MAN2B2: variants seen among roughly 807,000 people sequenced by gnomAD.
MAN2B2 encodes the protein mannosidase alpha class 2B member 2, also known as epididymis-specific alpha-mannosidase.
MAN2B2 carries 106 observed loss-of-function variants against 117.1 expected under a neutral mutation model. The observed-to-expected ratio is 0.90, with a 90% CI of 0.77 to 1.06. The LOEUF (loss-of-function observed/expected upper bound fraction) is 1.06, where lower values mean the gene tolerates loss of function less well. Among genes scored for constraint, MAN2B2 ranks in the 50% least tolerant of loss-of-function variants. MAN2B2 has a pLI of 0.00. For missense variants in MAN2B2, 1,326 were observed against 1,381.4 expected, an observed-to-expected ratio of 0.96 and a Z score of 0.64; for synonymous variants, 544 against 595.1, an observed-to-expected ratio of 0.91 and a Z score of 1.25.
chr4:6,621,056 T>G, intron 18 of MAN2B2, 132 bp from the exon 19 acceptor site: 1 of 635,592 alleles, frequency 1.6e-6, no homozygotes, highest in South Asian at 2.0e-5. Context: ...CCACAGCAGA[T>G]TGTAGACAGG....
Position 6,609,911 on chromosome 4 carries a change from G to GC in MAN2B2, c.2125dup (p.Leu709ProfsTer6). On this transcript the variant is annotated frameshift_variant, in exon 13 of 19. Coordinates refer to ENST00000285599, the MANE Select transcript of MAN2B2 (RefSeq NM_015274.3). LOFTEE classifies it high-confidence loss of function. ...CGGATAGAGCAGGAGTACCAAGCCG[G>GC]CCCCCTGGAGCTGAACCGTGAGGCT... 1 of 1,614,124 alleles carries GC rather than the reference G, an allele frequency of 6.2e-7. No individual in the cohort carries two copies. Among genetic ancestry groups the GC allele is most frequent in the Admixed American group, 1.7e-5 (1 of 60,028 alleles).
intron 3 of MAN2B2, among the ~76,000 whole-genome samples, chr4:6,581,771 T>C (rs555891451): frequency 1.3e-3 from 195 of 151,404 alleles, no homozygotes; most frequent in South Asian, 2.3e-3. Context: ...GACCCACTCC[T>C]GGCTGCCCGC....
chr4:6,586,224 T>A (rs999087320), intron 3 of MAN2B2, among the ~76,000 whole-genome samples: 2 of 152,004 alleles, frequency 1.3e-5, no homozygotes, highest in Non-Finnish European at 2.9e-5. Flanking sequence ...GCTAATTTTT[T>A]AAATTTTGTG....
At chr4:6,595,192 G>GAACTGGGTTGGCTCT (rs1166165445) in intron 7 of MAN2B2, among the ~76,000 whole-genome samples, 2 of 152,250 alleles carry the variant, frequency 1.3e-5, no homozygotes, top group Non-Finnish European at 2.9e-5. Flanking sequence ...TTGGCCACCA[G>GAACTGGGTTGGCTCT]CAGCACAGCC....
At chr4:6,612,410 G>A (rs1417824770) in intron 15 of MAN2B2, among the ~76,000 whole-genome samples, 2 of 152,198 alleles carry the variant, frequency 1.3e-5, no homozygotes, top group Non-Finnish European at 2.9e-5. Flanking sequence ...TCAGGTCCAG[G>A]GGGTGTCAAT....
rs763263704 is a variant in MAN2B2, at chr4:6,609,080, G to T, written c.1815-27G>T. 6 of 1,598,132 alleles carry T rather than the reference G, an allele frequency of 3.8e-6. No homozygotes were observed. In the Admixed American group the frequency reaches 1.0e-4, roughly 27 times the overall value. On this transcript the variant is annotated intron_variant, in intron 11 of 18. Transcript: ENST00000285599. Reference sequence around the variant, plus strand: ...GTAAGACCTTGTGCAGGATGAGAATGACATCTTCTCTCTCCTGCCTCTGCA... The same window carrying T: ...GTAAGACCTTGTGCAGGATGAGAATTACATCTTCTCTCTCCTGCCTCTGCA...
At position 6,611,296 on chromosome 4, in the gene MAN2B2, C is replaced by T. The variant is rs79709383; in HGVS notation, c.2563+18C>T. On this transcript the variant is annotated intron_variant, in intron 15 of 18. Transcript: ENST00000285599. The stretch of plus-strand genomic sequence containing the variant: ...CCTCGCTGGTAAAGGGGCACCCTTT[C>T]AGAGTAACATCATCACTGCCTCAGC... The T allele has an allele frequency of 1.3e-6, 2 of 1,580,320 alleles. No individual in the cohort carries two copies. Among genetic ancestry groups the T allele is most frequent in the Admixed American group, 1.8e-5 (1 of 56,856 alleles).
Position 6,621,401 on chromosome 4 carries a change from C to G in MAN2B2, c.*116C>G, listed in dbSNP as rs1338371825. On this transcript the variant is annotated 3_prime_UTR_variant, in exon 19 of 19. Transcript: ENST00000285599. ...TGGGACTGGGGAGTCAGCTGCTCATCTGCAGGCTAATGGCAGGAAATGGTC... is the reference window on the plus strand; with the variant it reads ...TGGGACTGGGGAGTCAGCTGCTCATGTGCAGGCTAATGGCAGGAAATGGTC... 10 of 747,260 alleles carry G rather than the reference C, an allele frequency of 1.3e-5. No individual in the cohort carries two copies. In the East Asian group the frequency reaches 3.0e-4, roughly 22 times the overall value. The allele number at this position is 747,260 out of a possible 1,614,324, so 46.3% of individuals were successfully genotyped here.
chr4:6,579,036 C>CCACCACCACCACCATCACCACCACCAT (rs1726192581), intron 3 of MAN2B2, among the ~76,000 whole-genome samples: 1 of 94,670 alleles, frequency 1.1e-5, no homozygotes, highest in Non-Finnish European at 2.0e-5. Flanking sequence ...ATCACCACTA[C>CCACCACCACCACCATCACCACCACCAT]CACCATCACC....
intron 3 of MAN2B2, among the ~76,000 whole-genome samples, chr4:6,586,531 T>TA (rs1470778481): frequency 6.6e-6 from 1 of 152,128 alleles, no homozygotes; most frequent in Admixed American, 6.5e-5. Context: ...TTAAGGACAT[T>TA]ACGCAGAGTG....
chr4:6,579,576 C>T (rs1366211839), intron 3 of MAN2B2, among the ~76,000 whole-genome samples: 2 of 150,598 alleles, frequency 1.3e-5, no homozygotes, highest in Admixed American at 6.6e-5. Flanking sequence ...CTACCACTAC[C>T]ATCACCACCA....
At position 6,594,682 on chromosome 4, in the gene MAN2B2, A is replaced by G. The variant is rs1016282113; in HGVS notation, c.1007A>G (p.Asn336Ser). The G allele has an allele frequency of 1.4e-5, 23 of 1,612,838 alleles. No homozygotes were observed. The highest frequency in any genetic ancestry group is 4.0e-5 in the African/African-American group (3 of 74,856). Residue 336 changes from asparagine (N) to serine (S), a missense_variant, in exon 7 of 19, where the codon AAT (asparagine) becomes AGT (serine). Asn to Ser is a conservative substitution (Grantham distance 46). Coordinates refer to ENST00000285599, the MANE Select transcript of MAN2B2 (RefSeq NM_015274.3). ...TACTTCCGTGCCCTGCACGCTCTCAATGTCACCTGGCGTGTCCGCGACCAC... is the reference window on the plus strand; with the variant it reads ...TACTTCCGTGCCCTGCACGCTCTCAGTGTCACCTGGCGTGTCCGCGACCAC... The part of the protein sequence containing the change: ...GDYFRALHAL[N>S]VTWRVRDHHD...
chr4:6,576,551 G>T (rs182266362), intron 1 of MAN2B2, 27 bp from the exon 2 acceptor site: 1 of 1,602,056 alleles, frequency 6.2e-7, no homozygotes, highest in East Asian at 2.2e-5. Context: ...TTGGACCGGG[G>T]CTGGCATGAT....
chr4:6,594,099 T>G (rs1017951821), intron 6 of MAN2B2, among the ~76,000 whole-genome samples: 1 of 152,048 alleles, frequency 6.6e-6, no homozygotes, highest in Non-Finnish European at 1.5e-5. Flanking sequence ...TAATAATTAA[T>G]AATCATTAAT....
At chr4:6,579,330 A>AT (rs1393669986) in intron 3 of MAN2B2, among the ~76,000 whole-genome samples, 1 of 130,072 alleles carries the variant, frequency 7.7e-6, no homozygotes, top group African/African-American at 2.9e-5. Flanking sequence ...CACCACCACC[A>AT]CCACCACCAC....
Position 6,594,709 on chromosome 4 carries a change from A to G in MAN2B2, c.1034A>G (p.His345Arg), listed in dbSNP as rs1208529235. 6.2e-7 allele frequency: 1 copy of G among 1,611,738 alleles called. No individual in the cohort carries two copies. Residue 345 changes from histidine to arginine, a missense_variant, in exon 7 of 19, where the codon CAC (histidine) becomes CGC (arginine). Coordinates refer to ENST00000285599, the MANE Select transcript of MAN2B2 (RefSeq NM_015274.3). The stretch of plus-strand genomic sequence containing the variant: ...GTCACCTGGCGTGTCCGCGACCACC[A>G]CGACTTCCTGCCCTATTCCACAGGT... Reference protein sequence around the residue: ...LNVTWRVRDHHDFLPYSTEPF... With the variant: ...LNVTWRVRDHRDFLPYSTEPF...
At chr4:6,602,670 CTTTTT>C (rs71646652) in intron 10 of MAN2B2, among the ~76,000 whole-genome samples, 3 of 138,402 alleles carry the variant, frequency 2.2e-5, no homozygotes, top group African/African-American at 8.0e-5. Context: ...GTCAGTTTTC[CTTTTT>C]TTTTTTTTTT....
chr4:6,598,820 G>A lies in MAN2B2; in HGVS notation c.1405+466G>A, dbSNP rs549156250. 9.9e-5 allele frequency among the ~76,000 whole-genome samples: 15 copies of A among 152,284 alleles called. No homozygotes were observed. In the South Asian group the frequency reaches 2.7e-3, roughly 27 times the overall value. On this transcript the variant is annotated intron_variant, in intron 9 of 18. Coordinates refer to ENST00000285599, the MANE Select transcript of MAN2B2 (RefSeq NM_015274.3). ...CAGAGAGTACGCCGGTGTCCTCAGG[G>A]GCCCGGTCCCTTCCTGGCTCCTGGC...
At chr4:6,597,081 T>C in intron 7 of MAN2B2, 32 bp from the exon 8 acceptor site, 1 of 1,601,194 alleles carries the variant, frequency 6.2e-7, no homozygotes, top group East Asian at 2.2e-5. Flanking sequence ...GGTCATGCCG[T>C]CTCAAGCTCA....
Sources: allele counts gnomAD v4.1 joint callset (sites outside exome capture counted in the v4.1 genomes callset), GRCh38; gene constraint gnomAD v4.1.1; transcripts MANE v1.5; gene names NCBI Gene and HGNC (gene_info 2026-07-23, HGNC 2026-07-21).